The following NAF1 variants were observed in gnomAD, a reference collection of about 807,000 sequenced individuals.
NAF1 encodes the protein H/ACA ribonucleoprotein complex non-core subunit NAF1.
Under a neutral mutation model 40.6 loss-of-function variants are expected in NAF1, and 11 were observed. The ratio of observed to expected loss-of-function variants is 0.27; its 90% CI spans 0.17 to 0.45. NAF1 has a LOEUF of 0.45. NAF1 is among the 20% of genes least tolerant of loss of function. The pLI is 1.00. For synonymous variants in NAF1, 260 were observed against 228.5 expected (o/e 1.14, Z -1.24); for missense variants, 607 against 611.1 (o/e 0.99, Z 0.07).
downstream of NAF1, chr4:163,126,957 A>G (rs1730674616): frequency 6.5e-7 from 1 of 1,544,890 alleles, no homozygotes; most frequent in Non-Finnish European, 8.7e-7. Context: ...AGATATGCAC[A>G]TTGGTTTTTT....
At chr4:163,112,777 G>C (rs943207781) in intron 2 of NAF1, among the ~76,000 whole-genome samples, 3 of 152,210 alleles carry the variant, frequency 2.0e-5, no homozygotes, top group Admixed American at 6.5e-5. Context: ...TCAGTACAAA[G>C]AGGAAAACAA....
chr4:163,127,637 A>T (rs1022930376), downstream of NAF1, among the ~76,000 whole-genome samples: 2 of 152,176 alleles, frequency 1.3e-5, no homozygotes, highest in African/African-American at 4.8e-5. Context: ...GAAGTTGCAA[A>T]AATATTTTTA....
At chr4:163,119,422 G>C (rs1730449832) in intron 2 of NAF1, 1 of 152,120 alleles carries the variant, frequency 6.6e-6, no homozygotes, top group South Asian at 2.1e-4. Flanking sequence ...TTGAAAACAA[G>C]ATGAAAGCCA....
intron 7 of NAF1, among the ~76,000 whole-genome samples, chr4:163,132,666 T>C (rs1730915593): frequency 6.6e-6 from 1 of 152,180 alleles, no homozygotes. Flanking sequence ...ACTGTCAATA[T>C]CCTGGCTGGG....
downstream of NAF1, among the ~76,000 whole-genome samples, chr4:163,105,267 T>C (rs1397745321): frequency 6.6e-6 from 1 of 152,220 alleles, no homozygotes; most frequent in East Asian, 1.9e-4. Context: ...TGAACTGCAG[T>C]TTACTTCATG....
intron 2 of NAF1, among the ~76,000 whole-genome samples, chr4:163,157,756 G>C (rs1732047873): frequency 6.6e-6 from 1 of 151,966 alleles, no homozygotes; most frequent in Admixed American, 6.6e-5. Flanking sequence ...AGGTTATTCA[G>C]TTAAGCAAAA....
chr4:163,131,027 C>T (rs1730853266), intron 7 of NAF1, among the ~76,000 whole-genome samples: 1 of 152,134 alleles, frequency 6.6e-6, no homozygotes, highest in Non-Finnish European at 1.5e-5. Flanking sequence ...AATGCGCCAC[C>T]ATGCCCAGCT....
chr4:163,119,077 G>A (rs531623277), intron 2 of NAF1, among the ~76,000 whole-genome samples: 1 of 152,210 alleles, frequency 6.6e-6, no homozygotes, highest in Non-Finnish European at 1.5e-5. Context: ...TTAGGCCTAT[G>A]AGAATGGTCT....
At chr4:163,141,882 A>G in intron 4 of NAF1, 1 of 889,286 alleles carries the variant, frequency 1.1e-6, no homozygotes. Flanking sequence ...TGATTTCAGT[A>G]CAGCACTGAA....
chr4:163,115,475 C>T (rs1041309959), intron 2 of NAF1, among the ~76,000 whole-genome samples: 4 of 152,110 alleles, frequency 2.6e-5, no homozygotes, highest in Admixed American at 6.5e-5. Flanking sequence ...GGATTACAGG[C>T]GTGAGCCACC....
At chr4:163,154,424 C>T (rs1731882816) in intron 2 of NAF1, among the ~76,000 whole-genome samples, 1 of 152,132 alleles carries the variant, frequency 6.6e-6, no homozygotes, top group African/African-American at 2.4e-5. Flanking sequence ...TGAAACCATC[C>T]TTGTATAATT....
intron 2 of NAF1, among the ~76,000 whole-genome samples, chr4:163,114,427 T>C (rs763481607): frequency 6.6e-5 from 10 of 152,218 alleles, no homozygotes; most frequent in Non-Finnish European, 1.3e-4. Context: ...TCCAGAATTA[T>C]GCTGAACACA....
downstream of NAF1, among the ~76,000 whole-genome samples, chr4:163,122,921 AG>A (rs752718958): frequency 2.9e-4 from 44 of 152,248 alleles, no homozygotes; most frequent in Non-Finnish European, 5.9e-4. Flanking sequence ...CTGATAAAAA[AG>A]CACAAAACAG....
intron 2 of NAF1, chr4:163,110,385 T>A: frequency 1.6e-6 from 1 of 643,052 alleles, no homozygotes; most frequent in Middle Eastern, 3.6e-4. Flanking sequence ...TGTCCTATTG[T>A]ATTATTAGTT....
chr4:163,153,109 C>T (rs1018873300), intron 2 of NAF1, among the ~76,000 whole-genome samples: 8 of 152,236 alleles, frequency 5.3e-5, no homozygotes, highest in Non-Finnish European at 1.0e-4. Flanking sequence ...ACCTGCAGCC[C>T]GCCATGCCTG....
chr4:163,149,755 T>C (rs904759161), intron 2 of NAF1, among the ~76,000 whole-genome samples: 1 of 152,182 alleles, frequency 6.6e-6, no homozygotes, highest in Non-Finnish European at 1.5e-5. Flanking sequence ...TGTATCAGAA[T>C]GCAGAAGGGA....
downstream of NAF1, among the ~76,000 whole-genome samples, chr4:163,106,750 A>G (rs1009881621): frequency 3.0e-4 from 46 of 152,166 alleles, no homozygotes; most frequent in Non-Finnish European, 5.3e-4. Flanking sequence ...ATGTTTTCTG[A>G]GAATATAGAA....
intron 2 of NAF1, chr4:163,110,378 C>A: frequency 1.5e-6 from 1 of 652,336 alleles, no homozygotes; most frequent in Non-Finnish European, 2.8e-6. Context: ...TTATAATTGT[C>A]CTATTGTATT....
At chr4:163,110,325 G>GAGAGAA in intron 2 of NAF1, 1 of 695,578 alleles carries the variant, frequency 1.4e-6, no homozygotes, top group Non-Finnish European at 2.6e-6. Flanking sequence ...GATATTTTGA[G>GAGAGAA]AGAGAAAGAA....
Sources: allele counts gnomAD v4.1 joint callset (sites outside exome capture counted in the v4.1 genomes callset), GRCh38; gene constraint gnomAD v4.1.1; transcripts MANE v1.5; gene names NCBI Gene and HGNC (gene_info 2026-07-23, HGNC 2026-07-21).